KRTAP5-8: variants seen among roughly 807,000 people sequenced by gnomAD.
KRTAP5-8 encodes keratin associated protein 5-8.
In KRTAP5-8, 2 loss-of-function variants were observed where a neutral mutation model predicts 2.7. The observed-to-expected ratio is 0.75, with a 90% CI of 0.30 to 2.35. KRTAP5-8 has a LOEUF of 2.35. KRTAP5-8 is among the 30% of genes most tolerant of loss of function. KRTAP5-8 has a pLI of 0.12. For missense variants in KRTAP5-8, 183 were observed against 227.2 expected, an observed-to-expected ratio of 0.81 and a Z score of 1.25; for synonymous variants, 62 against 89.1, an observed-to-expected ratio of 0.70 and a Z score of 1.71.
Position 71,538,087 on chromosome 11 carries a change from G to T in KRTAP5-8, c.32G>T (p.Gly11Val). ...TGCTGTGGCTGCTCTGGAGGCTGTGGCTCCGGCTGTGGGGGCTGCGGCTCT... is the reference window on the plus strand; with the variant it reads ...TGCTGTGGCTGCTCTGGAGGCTGTGTCTCCGGCTGTGGGGGCTGCGGCTCT... MGCCGCSGGCGSGCGGCGSGC... is the reference protein window; with the variant it reads MGCCGCSGGCVSGCGGCGSGC... The change falls in exon 1 of 1, where the codon GGC (glycine) becomes GTC (valine). Residue 11 changes from glycine (G) to valine (V), a missense_variant. By Grantham distance (109) the Gly-to-Val change is moderately radical. Around this residue, in one of 2 missense-constraint regions of KRTAP5-8, gnomAD observed 113 missense variants for 109.3 expected, o/e 1.03. Transcript: ENST00000398534. The T allele has an allele frequency of 6.2e-7, 1 of 1,611,786 alleles. No homozygotes were observed. The highest frequency in any genetic ancestry group is 8.5e-7 in the Non-Finnish European group (1 of 1,179,356).
Position 71,538,672 on chromosome 11 carries a change from G to A in KRTAP5-8, c.*53G>A. 2 of 1,613,660 alleles carry A rather than the reference G, an allele frequency of 1.2e-6. No individual in the cohort carries two copies. Among genetic ancestry groups the A allele is most frequent in the South Asian group, 1.1e-5 (1 of 91,050 alleles). On this transcript the variant is annotated 3_prime_UTR_variant, in exon 1 of 1. Coordinates refer to ENST00000398534, the MANE Select transcript of KRTAP5-8 (RefSeq NM_021046.3). ...CCACAGATCTGGGCTCTCCAGGAAT[G>A]ACTGTAGCTGTGTCCTGAATTCCTG...
In KRTAP5-8 at chr11:71,538,174, G is replaced by T; in HGVS notation, c.119G>T (p.Cys40Phe). Residue 40 changes from cysteine (C) to phenylalanine (F), a missense_variant, in exon 1 of 1, where the codon TGC becomes TTC. Physicochemically the swap from Cys to Phe is radical, Grantham distance 205. Around this residue, in one of 2 missense-constraint regions of KRTAP5-8, gnomAD observed 113 missense variants for 109.3 expected, o/e 1.03. Coordinates refer to ENST00000398534, the MANE Select transcript of KRTAP5-8 (RefSeq NM_021046.3). ...VPICCCKPVC[C>F]CVPACSCSSC... The stretch of plus-strand genomic sequence containing the variant: ...ATCTGCTGCTGCAAGCCCGTGTGCT[G>T]CTGTGTGCCAGCCTGTTCCTGCTCC... 1 of 1,612,218 alleles carries T rather than the reference G, an allele frequency of 6.2e-7. No homozygotes were observed. Among genetic ancestry groups the T allele is most frequent in the Non-Finnish European group, 8.5e-7 (1 of 1,179,560 alleles).
Position 71,538,826 on chromosome 11 carries a change from A to C in KRTAP5-8, c.*207A>C. On this transcript the variant is annotated 3_prime_UTR_variant, in exon 1 of 1. Coordinates refer to ENST00000398534, the MANE Select transcript of KRTAP5-8 (RefSeq NM_021046.3). ...CTGGGTGCTGCCCATCAACCCTCCCAGAATCCCCTCTTCCTTTCCTGACCT... is the reference window on the plus strand; with the variant it reads ...CTGGGTGCTGCCCATCAACCCTCCCCGAATCCCCTCTTCCTTTCCTGACCT... 9.9e-7 allele frequency: 1 copy of C among 1,009,600 alleles called. No homozygotes were observed. Among genetic ancestry groups the C allele is most frequent in the South Asian group, 1.7e-5 (1 of 60,266 alleles). The allele number at this position is 1,009,600 out of a possible 1,614,324, so 62.5% of individuals were successfully genotyped here.
In KRTAP5-8 at chr11:71,538,166, C is replaced by T. The variant is rs373767342; in HGVS notation, c.111C>T (p.Pro37=). 2.7e-5 allele frequency: 44 copies of T among 1,612,060 alleles called. No individual in the cohort carries two copies. The highest frequency in any genetic ancestry group is 2.7e-4 in the African/African-American group (20 of 74,578). The change falls in exon 1 of 1, where the codon CCC becomes CCT. Residue 37 remains proline (P), a synonymous_variant. Transcript: ENST00000398534. ...SCCVPICCCK[P]VCCCVPACSC... is the part of the protein sequence containing the mutation. ...GTGTGCCCATCTGCTGCTGCAAGCCCGTGTGCTGCTGTGTGCCAGCCTGTT... is the reference window on the plus strand; with the variant it reads ...GTGTGCCCATCTGCTGCTGCAAGCCTGTGTGCTGCTGTGTGCCAGCCTGTT...
rs1211380145 is a variant in KRTAP5-8, at chr11:71,538,423, G to A, written c.368G>A (p.Cys123Tyr). The A allele has an allele frequency of 1.9e-6, 3 of 1,610,938 alleles. No individual in the cohort carries two copies. The highest frequency in any genetic ancestry group is 2.7e-5 in the African/African-American group (2 of 74,470). The stretch of plus-strand genomic sequence containing the variant: ...TCCCAGTCCAGCTGTTGTAAGCCCT[G>A]CAGCTGCTCTTCAGGCTGTGGGTCA... Reference protein sequence around the residue: ...CCSQSSCCKPCSCSSGCGSSC... With the variant: ...CCSQSSCCKPYSCSSGCGSSC... Residue 123 changes from cysteine (C) to tyrosine (Y), a missense_variant, in exon 1 of 1, where the codon TGC becomes TAC. This residue lies in a region of KRTAP5-8 where 70 missense variants were observed against 117.9 expected (regional missense o/e 0.59). Coordinates refer to ENST00000398534, the MANE Select transcript of KRTAP5-8 (RefSeq NM_021046.3).
chr11:71,538,207 G>A lies in KRTAP5-8; in HGVS notation c.152G>A (p.Gly51Asp), dbSNP rs781044889. Residue 51 changes from glycine (G) to aspartate (D), a missense_variant, in exon 1 of 1, where the codon GGC becomes GAC. By Grantham distance (94) the Gly-to-Asp change is moderately conservative. Coordinates refer to ENST00000398534, the MANE Select transcript of KRTAP5-8 (RefSeq NM_021046.3). ...CVPACSCSSC[G>D]SCGGSKGGRG... ...CCAGCCTGTTCCTGCTCCAGCTGTGGCTCCTGTGGGGGCTCCAAGGGGGGC... is the reference window on the plus strand; with the variant it reads ...CCAGCCTGTTCCTGCTCCAGCTGTGACTCCTGTGGGGGCTCCAAGGGGGGC... The A allele has an allele frequency of 3.7e-6, 6 of 1,612,818 alleles. No homozygotes were observed. The highest frequency in any genetic ancestry group is 5.1e-6 in the Non-Finnish European group (6 of 1,179,874).
Position 71,538,942 on chromosome 11 carries a change from C to T in KRTAP5-8, c.*323C>T, listed in dbSNP as rs1467451915. The T allele has an allele frequency of 1.8e-5, 10 of 542,536 alleles. No individual in the cohort carries two copies. Among genetic ancestry groups the T allele is most frequent in the Admixed American group, 3.2e-5 (1 of 30,856 alleles). The allele number at this position is 542,536 out of a possible 1,614,324, so 33.6% of individuals were successfully genotyped here. A position where few individuals can be genotyped will look rare whatever the true frequency, so the allele number is the denominator to read the frequency against. ...GAAACACACTGAAACTGGAATCCTC[C>T]GACCTGCTGCCGCCTCTCCCCGGTC... On this transcript the variant is annotated 3_prime_UTR_variant, in exon 1 of 1. Transcript: ENST00000398534.
In KRTAP5-8 at chr11:71,538,076, T is replaced by C. The variant is rs775823612; in HGVS notation, c.21T>C (p.Ser7=). 2 of 1,612,498 alleles carry C rather than the reference T, an allele frequency of 1.2e-6. No homozygotes were observed. The highest frequency in any genetic ancestry group is 1.7e-6 in the Non-Finnish European group (2 of 1,179,882). The stretch of plus-strand genomic sequence containing the variant: ...GAACCATGGGCTGCTGTGGCTGCTC[T>C]GGAGGCTGTGGCTCCGGCTGTGGGG... MGCCGC[S]GGCGSGCGGC... The change falls in exon 1 of 1, where the codon TCT becomes TCC. Residue 7 remains serine (S), a synonymous_variant. Coordinates refer to ENST00000398534, the MANE Select transcript of KRTAP5-8 (RefSeq NM_021046.3).
rs764812991 is a variant in KRTAP5-8 at position 71,538,117 on chromosome 11, G to A, written c.62G>A (p.Cys21Tyr). Residue 21 changes from cysteine (C) to tyrosine (Y), a missense_variant, in exon 1 of 1, where the codon TGT becomes TAT. Physicochemically the swap from Cys to Tyr is radical, Grantham distance 194. Around this residue, in one of 2 missense-constraint regions of KRTAP5-8, gnomAD observed 113 missense variants for 109.3 expected, o/e 1.03. Coordinates refer to ENST00000398534, the MANE Select transcript of KRTAP5-8 (RefSeq NM_021046.3). Reference sequence around the variant, plus strand: ...GGCTGTGGGGGCTGCGGCTCTGGCTGTGGGGGATGTGGCTCTAGCTGCTGT... The same window carrying A: ...GGCTGTGGGGGCTGCGGCTCTGGCTATGGGGGATGTGGCTCTAGCTGCTGT... ...GSGCGGCGSG[C>Y]GGCGSSCCVP... 2.5e-6 allele frequency: 4 copies of A among 1,611,678 alleles called. No homozygotes were observed. The highest frequency in any genetic ancestry group is 2.5e-6 in the Non-Finnish European group (3 of 1,179,310).
rs1362565624 is a variant in KRTAP5-8 at position 71,538,406 on chromosome 11, C to T, written c.351C>T (p.Ser117=). 6.2e-7 allele frequency: 1 copy of T among 1,611,906 alleles called. No homozygotes were observed. Among genetic ancestry groups the T allele is most frequent in the Non-Finnish European group, 8.5e-7 (1 of 1,179,166 alleles). ...SSCCKPCCSQ[S]SCCKPCSCSS... ...GCTGCAAACCCTGCTGTTCCCAGTCCAGCTGTTGTAAGCCCTGCAGCTGCT... is the reference window on the plus strand; with the variant it reads ...GCTGCAAACCCTGCTGTTCCCAGTCTAGCTGTTGTAAGCCCTGCAGCTGCT... The change falls in exon 1 of 1, where the codon TCC becomes TCT. Residue 117 remains serine (S), a synonymous_variant. Coordinates refer to ENST00000398534, the MANE Select transcript of KRTAP5-8 (RefSeq NM_021046.3).
In KRTAP5-8 at chr11:71,539,021, C is replaced by T; in HGVS notation, c.*402C>T. ...CATCTTCATCCTGCCTGAGCTGCCA[C>T]AGCTCCGATTGTTTTTGGAGTTGAC... On this transcript the variant is annotated 3_prime_UTR_variant, in exon 1 of 1. Coordinates refer to ENST00000398534, the MANE Select transcript of KRTAP5-8 (RefSeq NM_021046.3). 1 of 349,462 alleles carries T rather than the reference C, an allele frequency of 2.9e-6. No individual in the cohort carries two copies. Among genetic ancestry groups the T allele is most frequent in the Non-Finnish European group, 5.6e-6 (1 of 179,434 alleles). 21.6% of individuals were successfully genotyped at this position (349,462 alleles called of 1,614,324 possible).
rs1354794116 is a variant in KRTAP5-8 at position 71,538,239 on chromosome 11, T to G, written c.184T>G (p.Ser62Ala). 10 of 1,612,634 alleles carry G rather than the reference T, an allele frequency of 6.2e-6. No homozygotes were observed. Among genetic ancestry groups the G allele is most frequent in the Non-Finnish European group, 8.5e-6 (10 of 1,179,776 alleles). The change falls in exon 1 of 1, where the codon TCC becomes GCC. Residue 62 changes from serine to alanine, a missense_variant. By Grantham distance (99) the Ser-to-Ala change is moderately conservative (BLOSUM62 1). This residue lies in a region of KRTAP5-8 where 113 missense variants were observed against 109.3 expected (regional missense o/e 1.03). Transcript: ENST00000398534. ...SCGGSKGGRGSCGGSKGDCGS... is the reference protein window; with the variant it reads ...SCGGSKGGRGACGGSKGDCGS... ...TGGGGGCTCCAAGGGGGGCCGTGGCTCCTGTGGGGGCTCCAAGGGGGACTG... is the reference window on the plus strand; with the variant it reads ...TGGGGGCTCCAAGGGGGGCCGTGGCGCCTGTGGGGGCTCCAAGGGGGACTG...
chr11:71,538,094 C>CTGTGGGGGCTGTGGCTCCGGA lies in KRTAP5-8; in HGVS notation c.50_51insTGGCTCCGGATGTGGGGGCTG (p.Gly20_Ser26dup), dbSNP rs1950055666. The stretch of plus-strand genomic sequence containing the variant: ...GCTGCTCTGGAGGCTGTGGCTCCGG[C>CTGTGGGGGCTGTGGCTCCGGA]TGTGGGGGCTGCGGCTCTGGCTGTG... On this transcript the variant is annotated inframe_insertion, in exon 1 of 1. Coordinates refer to ENST00000398534, the MANE Select transcript of KRTAP5-8 (RefSeq NM_021046.3). The CTGTGGGGGCTGTGGCTCCGGA allele has an allele frequency of 6.2e-7, 1 of 1,611,442 alleles. No individual in the cohort carries two copies. Among genetic ancestry groups the CTGTGGGGGCTGTGGCTCCGGA allele is most frequent in the African/African-American group, 1.3e-5 (1 of 74,628 alleles).
Position 71,538,590 on chromosome 11 carries a change from G to A in KRTAP5-8, c.535G>A (p.Val179Ile). The A allele has an allele frequency of 1.0e-5, 16 of 1,578,336 alleles. No homozygotes were observed. The highest frequency in any genetic ancestry group is 2.3e-5 in the East Asian group (1 of 42,626). The change falls in exon 1 of 1, where the codon GTC (valine) becomes ATC (isoleucine). Residue 179 changes from valine (V) to isoleucine (I), a missense_variant. Physicochemically the swap from Val to Ile is conservative, Grantham distance 29. Around this residue, in one of 2 missense-constraint regions of KRTAP5-8, gnomAD observed 70 missense variants for 117.9 expected, o/e 0.59. Transcript: ENST00000398534. ...KPCCSQSSCC[V>I]PICCQCKI is the part of the protein sequence containing the mutation. ...CTGCTGTTCCCAGTCCAGCTGCTGT[G>A]TCCCAATTTGCTGCCAGTGCAAGAT...
Position 71,538,862 on chromosome 11 carries a change from A to C in KRTAP5-8, c.*243A>C. On this transcript the variant is annotated 3_prime_UTR_variant, in exon 1 of 1. Coordinates refer to ENST00000398534, the MANE Select transcript of KRTAP5-8 (RefSeq NM_021046.3). ...TTCCTTTCCTGACCTCATCACTTCA[A>C]CCTTCTCAGGGCTTCAAGATCCCAC... 2 of 771,940 alleles carry C rather than the reference A, an allele frequency of 2.6e-6. No homozygotes were observed. Among genetic ancestry groups the C allele is most frequent in the Non-Finnish European group, 2.1e-6 (1 of 481,724 alleles). 47.8% of individuals were successfully genotyped at this position (771,940 alleles called of 1,614,324 possible).
chr11:71,539,099 G>A lies in KRTAP5-8; in HGVS notation c.*480G>A, dbSNP rs1023513667. 6.6e-5 allele frequency: 14 copies of A among 212,910 alleles called. No individual in the cohort carries two copies. The highest frequency in any genetic ancestry group is 1.2e-4 in the African/African-American group (5 of 43,226). 13.2% of individuals were successfully genotyped at this position (212,910 alleles called of 1,614,324 possible). Reference sequence around the variant, plus strand: ...CCAGGATCCTCTCCTGAGGAGGAGGGGCGCCCAGTCTCCTCTTCTACCTCT... The same window carrying A: ...CCAGGATCCTCTCCTGAGGAGGAGGAGCGCCCAGTCTCCTCTTCTACCTCT... On this transcript the variant is annotated 3_prime_UTR_variant, in exon 1 of 1. Transcript: ENST00000398534.
chr11:71,538,169 GTGC>G lies in KRTAP5-8; in HGVS notation c.120_122del (p.Cys41del). On this transcript the variant is annotated inframe_deletion, in exon 1 of 1. Transcript: ENST00000398534. ...TGCCCATCTGCTGCTGCAAGCCCGT[GTGC>G]TGCTGTGTGCCAGCCTGTTCCTGCT... 6.2e-7 allele frequency: 1 copy of G among 1,611,328 alleles called. No homozygotes were observed. The highest frequency in any genetic ancestry group is 8.5e-7 in the Non-Finnish European group (1 of 1,179,368).
rs1950054743 is a variant in KRTAP5-8 at position 71,538,026 on chromosome 11, T to TACCTGCTCCACC, written c.-29_-18dup. ...CACACCTCCCTCTCACCTGCTCCTCTACCTGCTCCACCCTCAACCCACCAG... is the reference window on the plus strand; with the variant it reads ...CACACCTCCCTCTCACCTGCTCCTCTACCTGCTCCACCACCTGCTCCACCCTCAACCCACCAG... On this transcript the variant is annotated 5_prime_UTR_variant, in exon 1 of 1. Transcript: ENST00000398534. The TACCTGCTCCACC allele has an allele frequency of 6.2e-7, 1 of 1,611,816 alleles. No homozygotes were observed. Among genetic ancestry groups the TACCTGCTCCACC allele is most frequent in the Non-Finnish European group, 8.5e-7 (1 of 1,179,744 alleles).
chr11:71,539,047 C>T lies in KRTAP5-8; in HGVS notation c.*428C>T, dbSNP rs1193143336. The stretch of plus-strand genomic sequence containing the variant: ...AGCTCCGATTGTTTTTGGAGTTGAC[C>T]TAGAGGACTCAGAATTATTAGAGAC... On this transcript the variant is annotated 3_prime_UTR_variant, in exon 1 of 1. Coordinates refer to ENST00000398534, the MANE Select transcript of KRTAP5-8 (RefSeq NM_021046.3). 3.3e-6 allele frequency: 1 copy of T among 301,064 alleles called. No individual in the cohort carries two copies. The highest frequency in any genetic ancestry group is 8.2e-5 in the East Asian group (1 of 12,236). 18.6% of individuals were successfully genotyped at this position (301,064 alleles called of 1,614,324 possible). A position where few individuals can be genotyped will look rare whatever the true frequency, so the allele number is the denominator to read the frequency against.
Sources: gnomAD v4.1 joint callset for allele counts on GRCh38, gnomAD v4.1.1 for gene constraint, gnomAD v4.1.1 regional missense constraint, MANE v1.5 for transcripts, NCBI Gene and HGNC (gene_info 2026-07-23, HGNC 2026-07-21) for gene names.